Variants in MRPL15 observed in about 807,000 individuals in gnomAD.
MRPL15 encodes the protein mitochondrial ribosomal protein L15, also known as large ribosomal subunit protein uL15m.
A neutral mutation model predicts 28.0 loss-of-function variants in MRPL15; 24 were observed. The observed-to-expected ratio is 0.86, with a 90% CI of 0.62 to 1.21. MRPL15 has a LOEUF of 1.21. Among genes scored for constraint, MRPL15 ranks in the 50% most tolerant of loss-of-function variants. The pLI is 0.00. For missense variants in MRPL15, 343 were observed against 372.4 expected (o/e 0.92, Z 0.65); for synonymous variants, 124 against 137.0 (o/e 0.90, Z 0.66).
At chr8:54,143,870 G>A (rs1175860782) in intron 4 of MRPL15, among the ~76,000 whole-genome samples, 1 of 152,162 alleles carries the variant, frequency 6.6e-6, no homozygotes, top group Non-Finnish European at 1.5e-5. Flanking sequence ...CTCCTGCCTG[G>A]AGCTTCCCCC....
chr8:54,137,223 A>C, intron 2 of MRPL15, 45 bp from the exon 3 acceptor site: 1 of 1,567,758 alleles, frequency 6.4e-7, no homozygotes, highest in Non-Finnish European at 8.7e-7. Flanking sequence ...TCGAGAAGTT[A>C]CAGGAAGATG....
intron 1 of MRPL15, among the ~76,000 whole-genome samples, chr8:54,135,851 A>G (rs1465356470): frequency 8.5e-5 from 13 of 152,182 alleles, no homozygotes; most frequent in Admixed American, 8.5e-4. Flanking sequence ...GGTTATGTTT[A>G]CAAGTGTAAA....
intron 4 of MRPL15, among the ~76,000 whole-genome samples, chr8:54,143,270 G>A (rs1006768531): frequency 2.0e-5 from 3 of 152,016 alleles, no homozygotes; most frequent in Non-Finnish European, 4.4e-5. Flanking sequence ...GGCTAGAGGC[G>A]GGTTTCAGCA....
In MRPL15 at chr8:54,141,542, T is replaced by TA. The variant is rs199866053; in HGVS notation, c.430-1112dup. ...AAACAAGGTAGCCTAAATAAAATGT[T>TA]AAAAAAAAAGTGATAGGACCTCAAA... On this transcript the variant is annotated intron_variant, in intron 3 of 4. Transcript: ENST00000260102. Among the ~76,000 whole-genome samples the TA allele has an allele frequency of 2.9e-3, 439 of 151,346 alleles. 3 individuals carry two copies. The highest frequency in any genetic ancestry group is 9.8e-3 in the African/African-American group (406 of 41,266).
chr8:54,137,581 G>A, intron 3 of MRPL15, 148 bp downstream of exon 3: 1 of 691,064 alleles, frequency 1.4e-6, no homozygotes, highest in Non-Finnish European at 2.4e-6. Flanking sequence ...TCCTGCCTCA[G>A]CCTCCTGAAT....
In MRPL15 at chr8:54,135,255, G is replaced by A. The variant is rs1472588946; in HGVS notation, c.-29G>A. ...ACGTGGCCTCCGAGCAGCTCAGGGC[G>A]CCCTTGAAAGTTCTTGGATCTGCGG... is the stretch of plus-strand genomic sequence containing the variant. On this transcript the variant is annotated 5_prime_UTR_variant, in exon 1 of 5. Coordinates refer to ENST00000260102, the MANE Select transcript of MRPL15 (RefSeq NM_014175.4). 1.5e-6 allele frequency: 2 copies of A among 1,297,450 alleles called. No homozygotes were observed. Among genetic ancestry groups the A allele is most frequent in the Non-Finnish European group, 2.0e-6 (2 of 1,009,908 alleles). 80.4% of individuals were successfully genotyped at this position (1,297,450 alleles called of 1,614,324 possible). A position where few individuals can be genotyped will look rare whatever the true frequency, so the allele number is the denominator to read the frequency against.
chr8:54,141,201 G>A (rs904778480), intron 3 of MRPL15, among the ~76,000 whole-genome samples: 2 of 152,172 alleles, frequency 1.3e-5, no homozygotes, highest in African/African-American at 4.8e-5. Flanking sequence ...AAACTCCCTG[G>A]ATTAGAATAC....
In MRPL15 at chr8:54,138,301, CTTTTTTT is replaced by C. The variant is rs71254537; in HGVS notation, c.429+890_429+896del. Among the ~76,000 whole-genome samples the C allele has an allele frequency of 2.1e-4, 12 of 57,010 alleles. 1 individual carries two copies. The East Asian group carries it at 2.4e-3, about 11-fold the overall frequency. The allele number at this position is 57,010 out of a possible 152,430, so 37.4% of individuals were successfully genotyped here. ...TTGAATGTCAACATATCAGGAAGAT[CTTTTTTT>C]TTTTTTTTTTTTTTTTTTTTTAAAT... On this transcript the variant is annotated intron_variant, in intron 3 of 4. Coordinates refer to ENST00000260102, the MANE Select transcript of MRPL15 (RefSeq NM_014175.4).
intron 3 of MRPL15, among the ~76,000 whole-genome samples, chr8:54,138,516 G>A (rs974225544): frequency 1.7e-4 from 25 of 150,798 alleles, no homozygotes; most frequent in African/African-American, 5.6e-4. Flanking sequence ...GTGGGGTTTT[G>A]CTATGTTGGC....
At chr8:54,139,277 A>T (rs1199914182) in intron 3 of MRPL15, among the ~76,000 whole-genome samples, 2 of 152,076 alleles carry the variant, frequency 1.3e-5, no homozygotes, top group African/African-American at 4.8e-5. Context: ...GGGATTACAG[A>T]CGTGAGCTAC....
rs898435951 is a variant in MRPL15, at chr8:54,148,362, G to T, written c.*643G>T. Among the ~76,000 whole-genome samples the T allele has an allele frequency of 2.0e-5, 3 of 152,228 alleles. No homozygotes were observed. Among genetic ancestry groups the T allele is most frequent in the Non-Finnish European group, 2.9e-5 (2 of 68,042 alleles). Reference sequence around the variant, plus strand: ...TTGTTCTTAGAGCTCCCAAGATGGTGGTGGCCACTCCCAAGATGGCAGCAA... The same window carrying T: ...TTGTTCTTAGAGCTCCCAAGATGGTTGTGGCCACTCCCAAGATGGCAGCAA... On this transcript the variant is annotated 3_prime_UTR_variant, in exon 5 of 5. Coordinates refer to ENST00000260102, the MANE Select transcript of MRPL15 (RefSeq NM_014175.4).
intron 3 of MRPL15, among the ~76,000 whole-genome samples, chr8:54,139,969 T>C (rs919622837): frequency 2.0e-5 from 3 of 152,146 alleles, no homozygotes; most frequent in Admixed American, 1.3e-4. Flanking sequence ...AAAGGTACTG[T>C]TGATTTTAAA....
At chr8:54,146,219 A>C (rs1165253218) in intron 4 of MRPL15, among the ~76,000 whole-genome samples, 1 of 152,144 alleles carries the variant, frequency 6.6e-6, no homozygotes, top group Non-Finnish European at 1.5e-5. Context: ...GGCCAAGTGA[A>C]GTGGATCACC....
intron 3 of MRPL15, among the ~76,000 whole-genome samples, chr8:54,139,240 C>T (rs995708291): frequency 2.6e-5 from 4 of 152,100 alleles, no homozygotes; most frequent in Non-Finnish European, 5.9e-5. Context: ...CTCAGGTGAT[C>T]CGCCTGCCTC....
chr8:54,136,398 T>C, intron 1 of MRPL15, 113 bp from the exon 2 acceptor site: 2 of 1,145,288 alleles, frequency 1.7e-6, no homozygotes, highest in Admixed American at 2.5e-5. Context: ...CACAATAGTG[T>C]TAGCTAGCAC....
At position 54,148,416 on chromosome 8, in the gene MRPL15, G is replaced by C. The variant is rs1245889647; in HGVS notation, c.*697G>C. Among the ~76,000 whole-genome samples, 1 of 152,164 alleles carries C rather than the reference G, an allele frequency of 6.6e-6. No individual in the cohort carries two copies. The highest frequency in any genetic ancestry group is 2.4e-5 in the African/African-American group (1 of 41,442). Reference sequence around the variant, plus strand: ...TTTTGTTCTCTGACCTGGGGTTCTTGGCCTCACGGATTCCAAAGAATGGAA... The same window carrying C: ...TTTTGTTCTCTGACCTGGGGTTCTTCGCCTCACGGATTCCAAAGAATGGAA... On this transcript the variant is annotated 3_prime_UTR_variant, in exon 5 of 5. Transcript: ENST00000260102.
At chr8:54,135,812 C>CA (rs1810820549) in intron 1 of MRPL15, among the ~76,000 whole-genome samples, 2 of 151,984 alleles carry the variant, frequency 1.3e-5, no homozygotes, top group Non-Finnish European at 2.9e-5. Context: ...CGTGAGCCAC[C>CA]GCCCCCGGCC....
chr8:54,144,713 T>C (rs988124703), intron 4 of MRPL15, among the ~76,000 whole-genome samples: 4 of 151,834 alleles, frequency 2.6e-5, no homozygotes, highest in African/African-American at 4.8e-5. Flanking sequence ...GAGGTTGTAG[T>C]GAGCTGAGAT....
chr8:54,138,247 C>T (rs1217793393), intron 3 of MRPL15, among the ~76,000 whole-genome samples: 1 of 150,280 alleles, frequency 6.7e-6, no homozygotes, highest in African/African-American at 2.4e-5. Context: ...AGCCACCGCC[C>T]ACGGCGCCCC....
Sources: gnomAD v4.1 joint callset for allele counts (sites outside exome capture counted in the v4.1 genomes callset) on GRCh38, gnomAD v4.1.1 for gene constraint, MANE v1.5 for transcripts, NCBI Gene and HGNC (gene_info 2026-07-23, HGNC 2026-07-21) for gene names.